The following LRRC74A variants were observed in gnomAD, a reference collection of about 807,000 sequenced individuals.
The protein encoded by LRRC74A is leucine-rich repeat-containing protein 74A.
Under a neutral mutation model 57.9 loss-of-function variants are expected in LRRC74A, and 44 were observed. The observed-to-expected ratio is 0.76, with a 90% CI of 0.60 to 0.98. The LOEUF (loss-of-function observed/expected upper bound fraction) is 0.98, where lower values mean the gene tolerates loss of function less well. Among genes scored for constraint, LRRC74A ranks in the 50% least tolerant of loss-of-function variants. The pLI, the probability that LRRC74A is intolerant of heterozygous loss-of-function variation, is 0.00. For missense variants in LRRC74A, 572 were observed against 574.0 expected (o/e 1.00, Z 0.04); for synonymous variants, 211 against 219.4 (o/e 0.96, Z 0.34).
intron 11 of LRRC74A, among the ~76,000 whole-genome samples, chr14:76,865,129 C>A (rs2362865): frequency 6.6e-6 from 1 of 152,004 alleles, no homozygotes; most frequent in Non-Finnish European, 1.5e-5. Context: ...TGCCTTGCAA[C>A]GTGAGTAATA....
Position 76,842,559 on chromosome 14 carries a change from A to G in LRRC74A, c.545-1864A>G, listed in dbSNP as rs117912759. Among the ~76,000 whole-genome samples the G allele has an allele frequency of 7.5e-3, 1,146 of 152,338 alleles. 5 individuals are homozygous for G. The highest frequency in any genetic ancestry group is 0.011 in the Non-Finnish European group (720 of 68,026). On this transcript the variant is annotated intron_variant, in intron 5 of 13. Coordinates refer to ENST00000689127, the MANE Select transcript of LRRC74A (RefSeq NM_001385106.1). ...CCACTGATTTAAACACAAGAATTTG[A>G]ATAACTAATCACCTAGTTTTATGCA... is the stretch of plus-strand genomic sequence containing the variant.
At chr14:76,856,753 TG>T (rs1897914559) in intron 9 of LRRC74A, among the ~76,000 whole-genome samples, 1 of 149,144 alleles carries the variant, frequency 6.7e-6, no homozygotes, top group South Asian at 2.1e-4. Context: ...AGTGAGTGGA[TG>T]GATGGATGGA....
At position 76,860,724 on chromosome 14, in the gene LRRC74A, C is replaced by G; in HGVS notation, c.1085C>G (p.Thr362Arg). Residue 362 changes from threonine to arginine, a missense_variant, in exon 11 of 14, where the codon ACG (threonine) becomes AGG (arginine). By Grantham distance (71) the Thr-to-Arg change is moderately conservative. Transcript: ENST00000689127. ...CTGGTGTCCGAGCAGTTCATGAAAA[C>G]GTTGGACGGAGTGTATGCCGTTCAC... ...NVLVSEQFMK[T>R]LDGVYAVHPQ... The G allele has an allele frequency of 6.2e-7, 1 of 1,611,846 alleles. No homozygotes were observed. Among genetic ancestry groups the G allele is most frequent in the Non-Finnish European group, 8.5e-7 (1 of 1,178,572 alleles).
In LRRC74A at chr14:76,857,503, G is replaced by C. The variant is rs149218549; in HGVS notation, c.1053+28G>C. On this transcript the variant is annotated intron_variant, in intron 10 of 13. Coordinates refer to ENST00000689127, the MANE Select transcript of LRRC74A (RefSeq NM_001385106.1). ...AAGTGATCAAATGGTAGTTGCTTGC[G>C]TCTGGGCACAAGCCAGTGACCCTGT... 36 of 1,504,238 alleles carry C rather than the reference G, an allele frequency of 2.4e-5. 1 individual carries two copies. In the South Asian group the frequency reaches 3.7e-4, roughly 16 times the overall value. 93.2% of individuals were successfully genotyped at this position (1,504,238 alleles called of 1,614,324 possible). A position where few individuals can be genotyped will look rare whatever the true frequency, so the allele number is the denominator to read the frequency against.
chr14:76,864,937 T>C (rs564642396), intron 11 of LRRC74A, among the ~76,000 whole-genome samples: 106 of 152,126 alleles, frequency 7.0e-4, no homozygotes, highest in Non-Finnish European at 1.0e-3. Context: ...TGTAAAACAA[T>C]AGGTTTAGTA....
chr14:76,852,439 A>C lies in LRRC74A; in HGVS notation c.751A>C (p.Asn251His), dbSNP rs1308971733. ...CACAAGGGGAGCTGTGGCCTTGTGC[A>C]ATGGTCTCCGGGTAAGGCACTCTCC... Reference protein sequence around the residue: ...FHTRGAVALCNGLRGNVTLTK... With the variant: ...FHTRGAVALCHGLRGNVTLTK... Residue 251 changes from asparagine (N) to histidine (H), a missense_variant, in exon 8 of 14, where the codon AAT becomes CAT. Asn to His is a moderately conservative substitution (Grantham distance 68). Coordinates refer to ENST00000689127, the MANE Select transcript of LRRC74A (RefSeq NM_001385106.1). 6.2e-7 allele frequency: 1 copy of C among 1,607,370 alleles called. No individual in the cohort carries two copies. Among genetic ancestry groups the C allele is most frequent in the Non-Finnish European group, 8.5e-7 (1 of 1,175,484 alleles).
At chr14:76,830,287 A>G (rs1333198550) in intron 2 of LRRC74A, among the ~76,000 whole-genome samples, 1 of 152,246 alleles carries the variant, frequency 6.6e-6, no homozygotes, top group African/African-American at 2.4e-5. Context: ...AAGGAAAAAC[A>G]GATGCAGACA....
At chr14:76,828,594 C>T (rs1401881874) in intron 2 of LRRC74A, 175 bp downstream of exon 2, 1 of 894,362 alleles carries the variant, frequency 1.1e-6, no homozygotes, top group Non-Finnish European at 1.8e-6. Context: ...TCCGGGCTGG[C>T]AGGGGAGAGC....
intron 3 of LRRC74A, among the ~76,000 whole-genome samples, chr14:76,835,791 G>A (rs1896286942): frequency 6.6e-6 from 1 of 152,068 alleles, no homozygotes. Flanking sequence ...TTAGAAGAAA[G>A]GCCTCTGAAG....
At chr14:76,829,084 C>A (rs1273037992) in intron 2 of LRRC74A, 1 of 1,289,416 alleles carries the variant, frequency 7.8e-7, no homozygotes, top group East Asian at 5.5e-5. Flanking sequence ...CCTCTCTCTC[C>A]TCCCAGTTTC....
chr14:76,842,498 ATAAT>A (rs1896841815), intron 5 of LRRC74A, among the ~76,000 whole-genome samples: 1 of 152,240 alleles, frequency 6.6e-6, no homozygotes, highest in Non-Finnish European at 1.5e-5. Flanking sequence ...AATTTCACAA[ATAAT>A]TCTCTTACAA....
chr14:76,870,265 G>A lies in LRRC74A; in HGVS notation c.*116G>A, dbSNP rs117553679. On this transcript the variant is annotated 3_prime_UTR_variant, in exon 14 of 14. Coordinates refer to ENST00000689127, the MANE Select transcript of LRRC74A (RefSeq NM_001385106.1). ...TCGATGGACAGATGCTGTGGCAGGGGCTGGGCACAAGCAAATAAAGTCTGG... is the reference window on the plus strand; with the variant it reads ...TCGATGGACAGATGCTGTGGCAGGGACTGGGCACAAGCAAATAAAGTCTGG... 5.7e-3 allele frequency: 6,732 copies of A among 1,175,616 alleles called. 31 individuals are homozygous for A. The highest frequency in any genetic ancestry group is 0.016 in the Middle Eastern group (64 of 4,040). 72.8% of individuals were successfully genotyped at this position (1,175,616 alleles called of 1,614,324 possible).
At chr14:76,868,037 A>G (rs2242632) in intron 13 of LRRC74A, among the ~76,000 whole-genome samples, 11,303 of 152,232 alleles carry the variant, frequency 0.074, 1,020 homozygotes, top group African/African-American at 0.21. Context: ...AACCCATAAT[A>G]AGTCCCCGCC....
At chr14:76,849,142 A>G (rs1897277877) in intron 7 of LRRC74A, among the ~76,000 whole-genome samples, 1 of 152,034 alleles carries the variant, frequency 6.6e-6, no homozygotes, top group South Asian at 2.1e-4. Context: ...CATGAGACAG[A>G]CTGTGCTCTC....
At chr14:76,847,060 A>G (rs1457792666) in intron 7 of LRRC74A, among the ~76,000 whole-genome samples, 1 of 152,166 alleles carries the variant, frequency 6.6e-6, no homozygotes, top group Non-Finnish European at 1.5e-5. Context: ...GAGGAGGAAG[A>G]GGAGTCTGAG....
intron 13 of LRRC74A, among the ~76,000 whole-genome samples, chr14:76,869,763 A>G (rs1899291879): frequency 6.6e-6 from 1 of 150,482 alleles, no homozygotes; most frequent in Non-Finnish European, 1.5e-5. Context: ...CTCCATCTAA[A>G]AAAAAAAAAA....
Position 76,860,863 on chromosome 14 carries a change from G to C in LRRC74A, c.1200+24G>C, listed in dbSNP as rs1264473357. ...AGGTGAGCTCCTGCCTTCCTCTCAGGGCCTCCAGGGAGCCCTGGGGAAAGC... is the reference window on the plus strand; with the variant it reads ...AGGTGAGCTCCTGCCTTCCTCTCAGCGCCTCCAGGGAGCCCTGGGGAAAGC... On this transcript the variant is annotated intron_variant, in intron 11 of 13. Transcript: ENST00000689127. 4 of 1,562,010 alleles carry C rather than the reference G, an allele frequency of 2.6e-6. No individual in the cohort carries two copies. In the South Asian group the frequency reaches 3.5e-5, roughly 14 times the overall value.
intron 13 of LRRC74A, among the ~76,000 whole-genome samples, chr14:76,869,894 G>A (rs1899308993): frequency 6.6e-6 from 1 of 152,158 alleles, no homozygotes; most frequent in African/African-American, 2.4e-5. Context: ...AACGATCTTA[G>A]GTGCACATGT....
chr14:76,853,433 GT>G (rs1296708520), intron 9 of LRRC74A, 23 bp downstream of exon 9: 15 of 875,560 alleles, frequency 1.7e-5, no homozygotes, highest in Non-Finnish European at 2.4e-5. Flanking sequence ...TGGAAAGGGT[GT>G]GTGTGTGTGT....
Sources: gnomAD v4.1 joint callset for allele counts (sites outside exome capture counted in the v4.1 genomes callset) on GRCh38, gnomAD v4.1.1 for gene constraint, MANE v1.5 for transcripts, NCBI Gene and HGNC (gene_info 2026-07-23, HGNC 2026-07-21) for gene names.